CAB39L: variants seen among roughly 807,000 people sequenced by gnomAD.
CAB39L encodes calcium binding protein 39 like.
CAB39L carries 23 observed loss-of-function variants against 39.1 expected under a neutral mutation model. That is an observed-to-expected ratio of 0.59 (90% CI 0.42 to 0.83). The LOEUF is 0.83. Ranked by LOEUF, CAB39L falls within the 40% of genes least tolerant of loss-of-function variation. The probability of loss-of-function intolerance (pLI) is 0.00; values close to 1 mark genes in which losing one functional copy is unlikely to be tolerated. For synonymous variants in CAB39L, 126 were observed against 137.2 expected (o/e 0.92, Z 0.57); for missense variants, 366 against 391.9 (o/e 0.93, Z 0.56).
At chr13:49,322,706 G>A (rs929490369) in intron 10 of CAB39L, among the ~76,000 whole-genome samples, 2 of 152,116 alleles carry the variant, frequency 1.3e-5, no homozygotes, top group Non-Finnish European at 2.9e-5. Flanking sequence ...TTGTAACTGG[G>A]AGGGACCTCA....
At position 49,400,323 on chromosome 13, in the gene CAB39L, GA is replaced by G. The variant is rs571337828; in HGVS notation, c.-31-17383del. Among the ~76,000 whole-genome samples, 245 of 151,874 alleles carry G rather than the reference GA, an allele frequency of 1.6e-3. 1 individual carries two copies. Among genetic ancestry groups the G allele is most frequent in the South Asian group, 3.9e-3 (19 of 4,816 alleles). ...ATGCCTCCCTCCATGCCTTTAAAAA[GA>G]TATATATAATTGGCATACACTCTCC... is the stretch of plus-strand genomic sequence containing the variant. On this transcript the variant is annotated intron_variant, in intron 3 of 10. Transcript: ENST00000409308.
chr13:49,434,873 AATGCGATATAG>A (rs1957384762), intron 1 of CAB39L, among the ~76,000 whole-genome samples: 1 of 151,952 alleles, frequency 6.6e-6, no homozygotes, highest in Non-Finnish European at 1.5e-5. Context: ...ATGTCACCAA[AATGCGATATAG>A]ATGTGTAAAC....
chr13:49,369,727 A>G (rs576118489), intron 5 of CAB39L, among the ~76,000 whole-genome samples: 1 of 152,100 alleles, frequency 6.6e-6, no homozygotes, highest in Admixed American at 6.5e-5. Flanking sequence ...AGCTGAGACT[A>G]CAGGTGCACA....
intron 9 of CAB39L, among the ~76,000 whole-genome samples, chr13:49,333,093 A>T (rs975535022): frequency 1.4e-4 from 22 of 152,064 alleles, no homozygotes; most frequent in African/African-American, 5.1e-4. Context: ...CCTGTGATGT[A>T]TCTTTTGTGT....
At chr13:49,320,718 C>T (rs1178975370) in intron 10 of CAB39L, among the ~76,000 whole-genome samples, 3 of 152,100 alleles carry the variant, frequency 2.0e-5, no homozygotes, top group Non-Finnish European at 4.4e-5. Context: ...AAGCAAAATC[C>T]CACCCCATCG....
At chr13:49,429,792 TG>T (rs1305774282) in intron 3 of CAB39L, among the ~76,000 whole-genome samples, 2 of 152,244 alleles carry the variant, frequency 1.3e-5, no homozygotes, top group Non-Finnish European at 2.9e-5. Context: ...TGATTACTTG[TG>T]GGATTGAACA....
chr13:49,420,023 G>A (rs1471097204), intron 3 of CAB39L, among the ~76,000 whole-genome samples: 1 of 152,088 alleles, frequency 6.6e-6, no homozygotes, highest in East Asian at 1.9e-4. Context: ...TTCAATCACA[G>A]CCATCATAAA....
intron 10 of CAB39L, among the ~76,000 whole-genome samples, chr13:49,327,250 T>C (rs916208343): frequency 2.0e-5 from 3 of 152,180 alleles, no homozygotes; most frequent in Admixed American, 1.3e-4. Flanking sequence ...CTACTTCTTC[T>C]CCTGAGATGA....
At chr13:49,361,057 T>C (rs1203431256) in intron 5 of CAB39L, among the ~76,000 whole-genome samples, 1 of 152,184 alleles carries the variant, frequency 6.6e-6, no homozygotes, top group African/African-American at 2.4e-5. Context: ...ATGAAAGAGC[T>C]TGCTTCAGTT....
At chr13:49,356,846 C>A (rs1274234966) in intron 6 of CAB39L, among the ~76,000 whole-genome samples, 1 of 151,962 alleles carries the variant, frequency 6.6e-6, no homozygotes, top group African/African-American at 2.4e-5. Context: ...AGGCAGATCA[C>A]AAGACCATCT....
chr13:49,329,023 C>T (rs1345125261), intron 10 of CAB39L, among the ~76,000 whole-genome samples: 9 of 152,114 alleles, frequency 5.9e-5, no homozygotes, highest in Non-Finnish European at 1.2e-4. Flanking sequence ...ACACAGACAA[C>T]CCATTATCCA....
chr13:49,325,578 C>T (rs1157524079), intron 10 of CAB39L, among the ~76,000 whole-genome samples: 3 of 151,974 alleles, frequency 2.0e-5, no homozygotes, highest in African/African-American at 4.8e-5. Flanking sequence ...CACCTGAGGT[C>T]GGGAGTTTGA....
chr13:49,337,292 A>AGTGT (rs755935874), intron 9 of CAB39L, among the ~76,000 whole-genome samples: 1 of 152,228 alleles, frequency 6.6e-6, no homozygotes, highest in Non-Finnish European at 1.5e-5. Context: ...TGACAATACA[A>AGTGT]GTGTGATGTT....
Position 49,376,891 on chromosome 13 carries a change from GTAGATAGATAGA to G in CAB39L, c.276+64_276+75del, listed in dbSNP as rs111664849. 72 of 787,370 alleles carry G rather than the reference GTAGATAGATAGA, an allele frequency of 9.1e-5. 1 individual carries two copies. The highest frequency in any genetic ancestry group is 6.1e-4 in the East Asian group (25 of 40,976). 48.8% of individuals were successfully genotyped at this position (787,370 alleles called of 1,614,324 possible). A position where few individuals can be genotyped will look rare whatever the true frequency, so the allele number is the denominator to read the frequency against. ...CATAATGAAAAGCAAAAGTTGAATAGTAGATAGATAGATAGATAGATAGATAGATATTAAAAT... is the reference window on the plus strand; with the variant it reads ...CATAATGAAAAGCAAAAGTTGAATAGTAGATAGATAGATAGATATTAAAAT... On this transcript the variant is annotated intron_variant, in intron 5 of 10. Coordinates refer to ENST00000409308, the MANE Select transcript of CAB39L (RefSeq NM_001079670.3).
In CAB39L at chr13:49,309,941, C is replaced by T. The variant is rs1035797401; in HGVS notation, c.*873G>A. On this transcript the variant is annotated 3_prime_UTR_variant, in exon 11 of 11. Coordinates refer to ENST00000409308, the MANE Select transcript of CAB39L (RefSeq NM_001079670.3). ...CATGGTTTGTGCCTGCTGGGCATCC[C>T]ACTATGCTGATTCCTACTCTAAAAG... 6.6e-6 allele frequency: 1 copy of T among 152,256 alleles called. No individual in the cohort carries two copies. The highest frequency in any genetic ancestry group is 2.4e-5 in the African/African-American group (1 of 41,436). 9.4% of individuals were successfully genotyped at this position (152,256 alleles called of 1,614,324 possible). A position where few individuals can be genotyped will look rare whatever the true frequency, so the allele number is the denominator to read the frequency against.
chr13:49,366,103 AAACAAGTG>A (rs1254938164), intron 5 of CAB39L, among the ~76,000 whole-genome samples: 2 of 152,218 alleles, frequency 1.3e-5, no homozygotes, highest in Non-Finnish European at 2.9e-5. Flanking sequence ...CTAAAAATTA[AAACAAGTG>A]AACTCATGAA....
intron 3 of CAB39L, among the ~76,000 whole-genome samples, chr13:49,402,005 G>A (rs574807847): frequency 3.8e-4 from 58 of 152,094 alleles, no homozygotes; most frequent in South Asian, 4.2e-4. Context: ...TTCTTAATAC[G>A]GTATATTTTG....
At chr13:49,335,917 T>C (rs1310906271) in intron 9 of CAB39L, among the ~76,000 whole-genome samples, 2 of 152,196 alleles carry the variant, frequency 1.3e-5, no homozygotes, top group East Asian at 3.8e-4. Flanking sequence ...GCCTAGTACT[T>C]AAGACAGTTT....
At chr13:49,360,828 C>T (rs1364413077) in intron 5 of CAB39L, among the ~76,000 whole-genome samples, 1 of 152,128 alleles carries the variant, frequency 6.6e-6, no homozygotes, top group Non-Finnish European at 1.5e-5. Context: ...TCTCCTGCTG[C>T]CATGTGAAGG....
Sources: gnomAD v4.1 joint callset for allele counts (sites outside exome capture counted in the v4.1 genomes callset) on GRCh38, gnomAD v4.1.1 for gene constraint, MANE v1.5 for transcripts, NCBI Gene and HGNC (gene_info 2026-07-23, HGNC 2026-07-21) for gene names.